ASB15: variants seen among roughly 807,000 people sequenced by gnomAD.
The protein encoded by ASB15 is ankyrin repeat and SOCS box containing 15.
A neutral mutation model predicts 58.0 loss-of-function variants in ASB15; 54 were observed. The ratio of observed to expected loss-of-function variants is 0.93; its 90% CI spans 0.75 to 1.17. ASB15 has a LOEUF of 1.17. Among genes scored for constraint, ASB15 ranks in the 50% most tolerant of loss-of-function variants. The pLI, the probability that ASB15 is intolerant of heterozygous loss-of-function variation, is 0.00. For missense variants in ASB15, 680 were observed against 707.4 expected, an observed-to-expected ratio of 0.96 and a Z score of 0.44; for synonymous variants, 249 against 262.4, an observed-to-expected ratio of 0.95 and a Z score of 0.50.
At chr7:123,606,431 A>C (rs578132982) in intron 2 of ASB15, among the ~76,000 whole-genome samples, 1 of 152,284 alleles carries the variant, frequency 6.6e-6, no homozygotes, top group Admixed American at 6.5e-5. Flanking sequence ...GGGCTTTGTA[A>C]GCTTTGCCTC....
At chr7:123,575,372 CT>C (rs1799036582) in intron 1 of ASB15, among the ~76,000 whole-genome samples, 1 of 152,020 alleles carries the variant, frequency 6.6e-6, no homozygotes. Flanking sequence ...GTTCATACCT[CT>C]ATTATTTTGG....
chr7:123,617,714 A>G lies in ASB15; in HGVS notation c.428A>G (p.Lys143Arg), dbSNP rs771720344. 8 of 1,612,594 alleles carry G rather than the reference A, an allele frequency of 5.0e-6. No individual in the cohort carries two copies. Among genetic ancestry groups the G allele is most frequent in the Non-Finnish European group, 6.8e-6 (8 of 1,178,826 alleles). Reference sequence around the variant, plus strand: ...GTGTGGCCCAACACAAAAAATGATAAAGGAGAGACCCCCCTTCTGATTGGT... The same window carrying G: ...GTGTGGCCCAACACAAAAAATGATAGAGGAGAGACCCCCCTTCTGATTGGT... Reference protein sequence around the residue: ...KGVWPNTKNDKGETPLLIAVK... With the variant: ...KGVWPNTKNDRGETPLLIAVK... Residue 143 changes from lysine (K) to arginine (R), a missense_variant, in exon 7 of 12, where the codon AAA becomes AGA. Lys to Arg is a conservative substitution (Grantham distance 26). Transcript: ENST00000451215.
In ASB15 at chr7:123,629,984, G is replaced by A; in HGVS notation, c.1459G>A (p.Val487Ile). The A allele has an allele frequency of 6.3e-7, 1 of 1,591,244 alleles. No homozygotes were observed. Among genetic ancestry groups the A allele is most frequent in the Non-Finnish European group, 8.6e-7 (1 of 1,163,722 alleles). ...KDNPFCEFITVPWMKHLVGRV... is the reference protein window; with the variant it reads ...KDNPFCEFITIPWMKHLVGRV... ...CTCTCAGTTCTGTGAGTTTATTACA[G>A]TTCCTTGGATGAAGCACTTGGTAGG... Residue 487 changes from valine (V) to isoleucine (I), a missense_variant, in exon 11 of 12, where the codon GTT becomes ATT. Val to Ile is a conservative substitution (Grantham distance 29, BLOSUM62 3). Coordinates refer to ENST00000451215, the MANE Select transcript of ASB15 (RefSeq NM_001290258.2).
At chr7:123,631,994 C>G (rs1051929135) in intron 11 of ASB15, among the ~76,000 whole-genome samples, 2 of 152,100 alleles carry the variant, frequency 1.3e-5, no homozygotes, top group East Asian at 3.9e-4. Context: ...AGGAGAATGG[C>G]GTGAACCCGG....
intron 7 of ASB15, among the ~76,000 whole-genome samples, chr7:123,623,987 GAAAGAAAGAGAA>G (rs1801588944): frequency 7.8e-6 from 1 of 128,570 alleles, no homozygotes; most frequent in African/African-American, 2.8e-5. Flanking sequence ...AAGAAAGAAA[GAAAGAAAGAGAA>G]AGGAAAGAAA....
In ASB15 at chr7:123,572,205, G is replaced by A. The variant is rs541478151; in HGVS notation, c.-443+5117G>A. Among the ~76,000 whole-genome samples, 8 of 127,074 alleles carry A rather than the reference G, an allele frequency of 6.3e-5. No individual in the cohort carries two copies. In the East Asian group the frequency reaches 7.8e-4, roughly 12 times the overall value. 83.4% of individuals were successfully genotyped at this position (127,074 alleles called of 152,430 possible). On this transcript the variant is annotated intron_variant, in intron 1 of 13. Transcript: ENST00000451558. ...TCACTAGGCTGGAGTGCAGTGACGC[G>A]ATCTTGCCTCACTGCAACCTCTGCC...
chr7:123,577,511 TTTAA>T (rs1198359574), intron 1 of ASB15, among the ~76,000 whole-genome samples: 1 of 152,288 alleles, frequency 6.6e-6, no homozygotes, highest in South Asian at 2.1e-4. Context: ...TCAGATCGAC[TTTAA>T]TTAATTTCAT....
intron 7 of ASB15, among the ~76,000 whole-genome samples, chr7:123,618,893 T>C (rs1236928540): frequency 6.6e-6 from 1 of 152,044 alleles, no homozygotes; most frequent in African/African-American, 2.4e-5. Context: ...GAAGTCACAT[T>C]GGCCAGGCGC....
intron 1 of ASB15, among the ~76,000 whole-genome samples, chr7:123,570,365 A>G (rs2116264650): frequency 6.6e-6 from 1 of 152,188 alleles, no homozygotes; most frequent in East Asian, 1.9e-4. Context: ...GGTGAAAGGT[A>G]GCACTTACTT....
chr7:123,633,567 T>A (rs535557940), intron 11 of ASB15, among the ~76,000 whole-genome samples: 3 of 152,266 alleles, frequency 2.0e-5, no homozygotes, highest in Non-Finnish European at 4.4e-5. Flanking sequence ...TATAAACTCA[T>A]AAGCTATTTT....
At chr7:123,618,536 A>G (rs1046831838) in intron 7 of ASB15, among the ~76,000 whole-genome samples, 1 of 152,178 alleles carries the variant, frequency 6.6e-6, no homozygotes, top group African/African-American at 2.4e-5. Flanking sequence ...GAGAAAAAAT[A>G]TATAAAAGCT....
At chr7:123,568,159 C>T (rs1798809087) in intron 1 of ASB15, among the ~76,000 whole-genome samples, 1 of 152,144 alleles carries the variant, frequency 6.6e-6, no homozygotes, top group Non-Finnish European at 1.5e-5. Context: ...GGATATCTCA[C>T]ACTCCCACTG....
At chr7:123,623,926 GAAAGAAAAGAAAGAAA>G (rs1421420887) in intron 7 of ASB15, among the ~76,000 whole-genome samples, 2 of 69,898 alleles carry the variant, frequency 2.9e-5, no homozygotes, top group South Asian at 4.8e-4. Flanking sequence ...AAGGAAGAAA[GAAAGAAAAGAAAGAAA>G]GAAAGAAAGA....
intron 1 of ASB15, among the ~76,000 whole-genome samples, chr7:123,568,329 G>A (rs1417400404): frequency 6.6e-6 from 1 of 151,674 alleles, no homozygotes; most frequent in African/African-American, 2.4e-5. Context: ...CCTGACCAAC[G>A]TGGAGAAACC....
intron 1 of ASB15, among the ~76,000 whole-genome samples, chr7:123,596,594 A>G (rs151317225): frequency 1.5e-3 from 235 of 152,302 alleles, no homozygotes; most frequent in African/African-American, 5.5e-3. Flanking sequence ...GCTAAGTGAC[A>G]GAGGGAGACC....
upstream of ASB15, among the ~76,000 whole-genome samples, chr7:123,600,943 C>T (rs572990259): frequency 2.0e-5 from 3 of 152,110 alleles, no homozygotes; most frequent in African/African-American, 7.2e-5. Context: ...TCACTGGCAG[C>T]AAATCCAATG....
chr7:123,593,179 TG>T (rs1010158934), intron 1 of ASB15, among the ~76,000 whole-genome samples: 3 of 152,190 alleles, frequency 2.0e-5, no homozygotes, highest in African/African-American at 7.2e-5. Context: ...GCATGTGAGA[TG>T]GGTCTCCTGA....
intron 11 of ASB15, among the ~76,000 whole-genome samples, chr7:123,631,399 T>C (rs1802107959): frequency 6.6e-6 from 1 of 152,226 alleles, no homozygotes; most frequent in Non-Finnish European, 1.5e-5. Context: ...GGTAAGTTTA[T>C]GTGAGGTATC....
At chr7:123,622,091 C>G (rs1488394420) in intron 7 of ASB15, among the ~76,000 whole-genome samples, 2 of 152,198 alleles carry the variant, frequency 1.3e-5, no homozygotes, top group Non-Finnish European at 2.9e-5. Context: ...TCAAGATAAT[C>G]AAGATAACCC....
Sources: allele counts gnomAD v4.1 joint callset (sites outside exome capture counted in the v4.1 genomes callset), GRCh38; gene constraint gnomAD v4.1.1; transcripts MANE v1.5; gene names NCBI Gene and HGNC (gene_info 2026-07-23, HGNC 2026-07-21).